DLGAP2: variants seen among roughly 807,000 people sequenced by gnomAD.
The protein encoded by DLGAP2 is disks large-associated protein 2.
Under a neutral mutation model 100.3 loss-of-function variants are expected in DLGAP2, and 26 were observed. That is an observed-to-expected ratio of 0.26 (90% CI 0.19 to 0.36). The LOEUF is 0.36. Among genes scored for constraint, DLGAP2 ranks in the 10% least tolerant of loss-of-function variants. The pLI is 1.00. For synonymous variants in DLGAP2, 886 were observed against 630.1 expected (o/e 1.41, Z -6.08); for missense variants, 1,858 against 1,453.2 (o/e 1.28, Z -4.53).
chr8:1,635,402 A>G (rs527470832), intron 8 of DLGAP2, among the ~76,000 whole-genome samples: 1 of 152,314 alleles, frequency 6.6e-6, no homozygotes, highest in South Asian at 2.1e-4. Flanking sequence ...AAAATTTTCT[A>G]CTTAAATACT....
chr8:1,187,483 G>A (rs574995137), intron 2 of DLGAP2, among the ~76,000 whole-genome samples: 38 of 131,518 alleles, frequency 2.9e-4, no homozygotes, highest in African/African-American at 1.2e-3. Context: ...TTGCCTCACG[G>A]AATCTCACAC....
intron 1 of DLGAP2, among the ~76,000 whole-genome samples, chr8:885,107 C>T (rs996333494): frequency 1.3e-5 from 2 of 152,108 alleles, no homozygotes; most frequent in African/African-American, 4.8e-5. Context: ...ATTGTCTTGG[C>T]TATATGGGGT....
chr8:836,848 C>T (rs1796887549), intron 1 of DLGAP2, among the ~76,000 whole-genome samples: 1 of 152,050 alleles, frequency 6.6e-6, no homozygotes, highest in African/African-American at 2.4e-5. Context: ...CCATACCAGA[C>T]TCTGCGCTCG....
intron 3 of DLGAP2, among the ~76,000 whole-genome samples, chr8:1,410,622 C>G (rs933419044): frequency 4.6e-5 from 7 of 152,174 alleles, no homozygotes; most frequent in African/African-American, 1.7e-4. Flanking sequence ...GCTTAAAACT[C>G]CTGGGGGAGC....
At chr8:895,256 C>T (rs574833093) in intron 1 of DLGAP2, among the ~76,000 whole-genome samples, 6 of 152,044 alleles carry the variant, frequency 3.9e-5, no homozygotes, top group East Asian at 1.9e-4. Flanking sequence ...GTATGCAGGA[C>T]GGATACATCA....
At chr8:1,146,598 CGCATGTGTGTGCATGCACGTGTGTGCAT>C (rs1270880344) in intron 2 of DLGAP2, among the ~76,000 whole-genome samples, 7 of 151,998 alleles carry the variant, frequency 4.6e-5, no homozygotes, top group Non-Finnish European at 7.4e-5. Context: ...TGTGCACCTG[CGCATGTGTGTGCATGCACGTGTGTGCAT>C]GCATGTGTGT....
chr8:1,363,406 A>AC (rs1563106488), intron 3 of DLGAP2, among the ~76,000 whole-genome samples: 2 of 151,990 alleles, frequency 1.3e-5, no homozygotes, highest in Non-Finnish European at 2.9e-5. Context: ...TCCTGCCTCC[A>AC]CGTCGCAGGT....
At chr8:1,137,884 G>C (rs1428561642) in intron 2 of DLGAP2, 2 of 152,218 alleles carry the variant, frequency 1.3e-5, no homozygotes, top group Non-Finnish European at 2.9e-5. Flanking sequence ...TCTGCCTCCG[G>C]GGTTCAAGCA....
chr8:806,731 G>A (rs10107562), intron 1 of DLGAP2, among the ~76,000 whole-genome samples: 152,115 of 152,354 alleles, frequency 1, 75,938 homozygotes, highest in Middle Eastern at 1. Context: ...TTTGCTTCGC[G>A]TAACCATTGT....
At chr8:1,189,554 G>T (rs767512681) in intron 2 of DLGAP2, among the ~76,000 whole-genome samples, 22 of 152,168 alleles carry the variant, frequency 1.4e-4, no homozygotes, top group Admixed American at 2.0e-4. Flanking sequence ...TTTGGTTAGG[G>T]AAAGACCAGC....
chr8:848,136 A>C (rs1479542146), intron 1 of DLGAP2, among the ~76,000 whole-genome samples: 1 of 152,150 alleles, frequency 6.6e-6, no homozygotes, highest in East Asian at 1.9e-4. Flanking sequence ...TGTGACATAG[A>C]TGGAGTTTAC....
chr8:1,068,678 G>C (rs996738028), intron 2 of DLGAP2, among the ~76,000 whole-genome samples: 1 of 152,040 alleles, frequency 6.6e-6, no homozygotes, highest in Non-Finnish European at 1.5e-5. Context: ...TGCACAGCAG[G>C]GGCTCAGCGC....
chr8:938,347 C>T (rs1799118733), intron 2 of DLGAP2, among the ~76,000 whole-genome samples: 2 of 152,138 alleles, frequency 1.3e-5, no homozygotes, highest in South Asian at 2.1e-4. Flanking sequence ...CAGGTATGCG[C>T]CACCATGCCT....
At chr8:1,413,133 C>G (rs1454503935) in intron 3 of DLGAP2, among the ~76,000 whole-genome samples, 1 of 152,136 alleles carries the variant, frequency 6.6e-6, no homozygotes, top group African/African-American at 2.4e-5. Flanking sequence ...TTCTATTTGC[C>G]CCTCTGTGTT....
At chr8:1,338,414 A>T (rs1429464010) in intron 3 of DLGAP2, among the ~76,000 whole-genome samples, 1 of 152,190 alleles carries the variant, frequency 6.6e-6, no homozygotes. Flanking sequence ...GCATGATTCT[A>T]TTTATATGAA....
At chr8:865,991 T>C (rs1045366210) in intron 1 of DLGAP2, among the ~76,000 whole-genome samples, 7 of 152,226 alleles carry the variant, frequency 4.6e-5, no homozygotes, top group South Asian at 2.1e-4. Flanking sequence ...GGGTATGGTA[T>C]TCTAATCCAG....
At chr8:1,324,755 T>G (rs1180466786) in intron 3 of DLGAP2, among the ~76,000 whole-genome samples, 1 of 152,338 alleles carries the variant, frequency 6.6e-6, no homozygotes, top group African/African-American at 2.4e-5. Flanking sequence ...AGGCACGACT[T>G]CCATGTTCCT....
intron 2 of DLGAP2, among the ~76,000 whole-genome samples, chr8:1,150,267 T>C (rs1796675022): frequency 6.6e-6 from 1 of 152,248 alleles, no homozygotes; most frequent in Non-Finnish European, 1.5e-5. Context: ...TTGGCAGTTA[T>C]CTGTTTCAGC....
intron 3 of DLGAP2, among the ~76,000 whole-genome samples, chr8:1,357,331 C>T (rs1488992787): frequency 1.3e-5 from 2 of 151,924 alleles, no homozygotes; most frequent in South Asian, 2.1e-4. Context: ...TGGCCAGACT[C>T]ATCACACTGA....
Sources: gnomAD v4.1 joint callset for allele counts (sites outside exome capture counted in the v4.1 genomes callset) on GRCh38, gnomAD v4.1.1 for gene constraint, MANE v1.5 for transcripts, NCBI Gene and HGNC (gene_info 2026-07-23, HGNC 2026-07-21) for gene names.